CNBD1: variants seen among roughly 807,000 people sequenced by gnomAD.
CNBD1 encodes the protein cyclic nucleotide binding domain containing 1, also known as cyclic nucleotide-binding domain-containing protein 1.
CNBD1 carries 71 observed loss-of-function variants against 54.4 expected under a neutral mutation model. The observed-to-expected ratio is 1.30, with a 90% confidence interval of 1.08 to 1.59. The LOEUF is 1.59. CNBD1 is among the 40% of genes most tolerant of loss of function. CNBD1 has a pLI of 0.00. For synonymous variants in CNBD1, 182 were observed against 170.7 expected, an observed-to-expected ratio of 1.07 and a Z score of -0.51; for missense variants, 659 against 518.0, an observed-to-expected ratio of 1.27 and a Z score of -2.64.
At chr8:87,195,486 C>T (rs1410176709) in intron 4 of CNBD1, among the ~76,000 whole-genome samples, 1 of 151,548 alleles carries the variant, frequency 6.6e-6, no homozygotes, top group Non-Finnish European at 1.5e-5. Flanking sequence ...CCTTGGCCTC[C>T]CAAAGTGCTG....
intron 2 of CNBD1, among the ~76,000 whole-genome samples, chr8:86,897,722 T>G (rs1808868619): frequency 6.6e-6 from 1 of 152,210 alleles, no homozygotes; most frequent in African/African-American, 2.4e-5. Flanking sequence ...TGGCAAAATC[T>G]AATAGGATAA....
intron 4 of CNBD1, among the ~76,000 whole-genome samples, chr8:86,977,971 G>A (rs1808380443): frequency 6.6e-6 from 1 of 152,052 alleles, no homozygotes; most frequent in African/African-American, 2.4e-5. Context: ...GAACATAGGT[G>A]CAAAAATACT....
chr8:87,315,601 G>T (rs1041876565), intron 8 of CNBD1, among the ~76,000 whole-genome samples: 32 of 151,884 alleles, frequency 2.1e-4, no homozygotes, highest in Non-Finnish European at 4.6e-4. Context: ...CCCGAAGGAT[G>T]GCATTAATCT....
rs1162487965 is a variant in CNBD1, at chr8:87,377,011, TA to T, written c.1304-5608del. ...AGTGTTGATATTTGTTTGTTAAATT[TA>T]TTTTTTTTCTTTTTTTTTTTTACAT... On this transcript the variant is annotated intron_variant, in intron 10 of 10. Coordinates refer to ENST00000518476, the MANE Select transcript of CNBD1 (RefSeq NM_173538.3). Among the ~76,000 whole-genome samples, 4 of 149,818 alleles carry T rather than the reference TA, an allele frequency of 2.7e-5. No individual in the cohort carries two copies. In the East Asian group the frequency reaches 7.8e-4, roughly 29 times the overall value.
intron 4 of CNBD1, among the ~76,000 whole-genome samples, chr8:86,951,616 A>AAAAAAAAAAAAAT (rs1807627185): frequency 6.8e-6 from 1 of 147,360 alleles, no homozygotes; most frequent in African/African-American, 2.5e-5. Context: ...AAAAAAAAAA[A>AAAAAAAAAAAAAT]AAAGATATTG....
intron 8 of CNBD1, among the ~76,000 whole-genome samples, chr8:87,327,747 A>G (rs1809715183): frequency 6.6e-6 from 1 of 152,274 alleles, no homozygotes; most frequent in Admixed American, 6.5e-5. Context: ...ATGGAAATGC[A>G]GAAATCACCC....
intron 8 of CNBD1, among the ~76,000 whole-genome samples, chr8:87,308,928 T>A (rs566199472): frequency 6.6e-6 from 1 of 152,288 alleles, no homozygotes; most frequent in Non-Finnish European, 1.5e-5. Context: ...ATTTAGTTAT[T>A]TTTTATACCT....
Position 87,213,013 on chromosome 8 carries a change from CAATT to C in CNBD1, c.577+6878_577+6881del, listed in dbSNP as rs914316280. On this transcript the variant is annotated intron_variant, in intron 5 of 10. Coordinates refer to ENST00000518476, the MANE Select transcript of CNBD1 (RefSeq NM_173538.3). ...CTTGTAAACCTGAGTAACAAGAAGA[CAATT>C]AACCCAATTTCGAAAATGAGTATAT... Among the ~76,000 whole-genome samples the C allele has an allele frequency of 3.0e-4, 45 of 152,024 alleles. 1 individual carries two copies. Among genetic ancestry groups the C allele is most frequent in the African/African-American group, 9.7e-4 (40 of 41,398 alleles).
intron 2 of CNBD1, among the ~76,000 whole-genome samples, chr8:87,388,796 A>T (rs547280112): frequency 6.6e-6 from 1 of 152,106 alleles, no homozygotes; most frequent in African/African-American, 2.4e-5. Flanking sequence ...GAGACACAAC[A>T]AAAAAAGACA....
chr8:87,239,746 G>T (rs1350611034), intron 6 of CNBD1, among the ~76,000 whole-genome samples: 1 of 152,048 alleles, frequency 6.6e-6, no homozygotes, highest in African/African-American at 2.4e-5. Context: ...CCAAGCATCT[G>T]CTGTTCTAAC....
intron 2 of CNBD1, among the ~76,000 whole-genome samples, chr8:87,427,937 GC>G (rs367723282): frequency 6.6e-6 from 1 of 151,956 alleles, no homozygotes; most frequent in African/African-American, 2.4e-5. Context: ...CTTCACCAAA[GC>G]CCCCCCAGCA....
At chr8:86,890,390 A>G (rs1808750829) in intron 2 of CNBD1, among the ~76,000 whole-genome samples, 1 of 152,006 alleles carries the variant, frequency 6.6e-6, no homozygotes, top group African/African-American at 2.4e-5. Context: ...AATGTCCTTG[A>G]TGTTATTCAT....
chr8:86,935,777 CT>C (rs1270561657), intron 3 of CNBD1, among the ~76,000 whole-genome samples: 1 of 152,028 alleles, frequency 6.6e-6, no homozygotes, highest in Non-Finnish European at 1.5e-5. Flanking sequence ...TTGAGTATAA[CT>C]TACTCTTTCT....
At chr8:87,187,323 A>G (rs1261194950) in intron 4 of CNBD1, among the ~76,000 whole-genome samples, 1 of 152,012 alleles carries the variant, frequency 6.6e-6, no homozygotes, top group Non-Finnish European at 1.5e-5. Flanking sequence ...TGTCTTTGCT[A>G]TGCAGATATT....
intron 4 of CNBD1, among the ~76,000 whole-genome samples, chr8:87,076,274 A>G (rs980401423): frequency 7.9e-5 from 12 of 152,188 alleles, no homozygotes; most frequent in African/African-American, 2.7e-4. Flanking sequence ...CCATAATGGT[A>G]ATCACAACCT....
intron 6 of CNBD1, among the ~76,000 whole-genome samples, chr8:87,241,806 C>A (rs1190335681): frequency 6.6e-6 from 1 of 151,966 alleles, no homozygotes; most frequent in Middle Eastern, 3.4e-3. Context: ...ATTTTGGAAG[C>A]TATAATAATA....
intron 4 of CNBD1, among the ~76,000 whole-genome samples, chr8:86,958,260 A>G (rs191911346): frequency 1.2e-4 from 19 of 152,276 alleles, no homozygotes; most frequent in East Asian, 5.8e-4. Flanking sequence ...TATGTGGTCA[A>G]TTTTGGAATA....
At chr8:86,949,002 G>C (rs1807539203) in intron 4 of CNBD1, among the ~76,000 whole-genome samples, 1 of 152,120 alleles carries the variant, frequency 6.6e-6, no homozygotes, top group South Asian at 2.1e-4. Context: ...TTTTGTTGAA[G>C]AGATTGTCCT....
At chr8:87,230,973 G>T (rs1814676155) in intron 5 of CNBD1, among the ~76,000 whole-genome samples, 1 of 152,080 alleles carries the variant, frequency 6.6e-6, no homozygotes, top group Non-Finnish European at 1.5e-5. Flanking sequence ...TATTTAAAAA[G>T]AGACTTGTTT....
Sources: allele counts gnomAD v4.1 joint callset (sites outside exome capture counted in the v4.1 genomes callset), GRCh38; gene constraint gnomAD v4.1.1; transcripts MANE v1.5; gene names NCBI Gene and HGNC (gene_info 2026-07-23, HGNC 2026-07-21).